SLMAP: variants seen among roughly 807,000 people sequenced by gnomAD.
The protein encoded by SLMAP is sarcolemmal membrane-associated protein.
SLMAP carries 44 observed loss-of-function variants against 128.8 expected under a neutral mutation model. The observed-to-expected ratio is 0.34, with a 90% CI of 0.27 to 0.44. The LOEUF is 0.44. SLMAP is among the 20% of genes least tolerant of loss of function. SLMAP has a pLI of 1.00. For synonymous variants in SLMAP, 327 were observed against 348.8 expected, an observed-to-expected ratio of 0.94 and a Z score of 0.70; for missense variants, 787 against 985.3, an observed-to-expected ratio of 0.80 and a Z score of 2.69.
intron 2 of SLMAP, among the ~76,000 whole-genome samples, chr3:57,780,925 G>A (rs768202433): frequency 3.4e-4 from 52 of 151,952 alleles, no homozygotes; most frequent in African/African-American, 1.3e-3. Flanking sequence ...TTACAGGTGT[G>A]AGCCACCTTG....
chr3:57,916,156 C>CA (rs75785421), intron 21 of SLMAP, among the ~76,000 whole-genome samples: 2,762 of 128,012 alleles, frequency 0.022, 67 homozygotes, highest in African/African-American at 0.071. Flanking sequence ...AACTCTGTCT[C>CA]AAAAAAAAAA....
Position 57,925,830 on chromosome 3 carries a change from C to T in SLMAP, c.2446-15C>T. The T allele has an allele frequency of 6.5e-7, 1 of 1,527,654 alleles. No homozygotes were observed. Among genetic ancestry groups the T allele is most frequent in the Non-Finnish European group, 8.9e-7 (1 of 1,125,736 alleles). The allele number at this position is 1,527,654 out of a possible 1,614,324, so 94.6% of individuals were successfully genotyped here. ...CATAGCATAAAATGATTTTAATATGCCTTCCCTTCTTTAGCCTTCCATATT... is the reference window on the plus strand; with the variant it reads ...CATAGCATAAAATGATTTTAATATGTCTTCCCTTCTTTAGCCTTCCATATT... On this transcript the variant is annotated splice_polypyrimidine_tract_variant and intron_variant, in intron 23 of 24. Coordinates refer to ENST00000671191, the MANE Select transcript of SLMAP (RefSeq NM_001377540.1).
At chr3:57,825,549 T>C (rs1465502326) in intron 2 of SLMAP, among the ~76,000 whole-genome samples, 1 of 151,962 alleles carries the variant, frequency 6.6e-6, no homozygotes, top group Non-Finnish European at 1.5e-5. Flanking sequence ...TTTAAACATT[T>C]TTATATTATA....
intron 8 of SLMAP, among the ~76,000 whole-genome samples, chr3:57,859,926 C>A (rs1423672886): frequency 6.6e-6 from 1 of 152,116 alleles, no homozygotes; most frequent in East Asian, 1.9e-4. Flanking sequence ...TGATTTTCTC[C>A]CCTTATTTAT....
intron 14 of SLMAP, among the ~76,000 whole-genome samples, chr3:57,879,450 G>A (rs906326478): frequency 6.6e-6 from 1 of 152,090 alleles, no homozygotes; most frequent in African/African-American, 2.4e-5. Flanking sequence ...ATTCACATTA[G>A]ATCCAAACTG....
intron 14 of SLMAP, among the ~76,000 whole-genome samples, chr3:57,877,831 CTTTTTTTT>C (rs57685937): frequency 1.8e-5 from 2 of 111,684 alleles, no homozygotes; most frequent in African/African-American, 3.4e-5. Context: ...TTTTTTCCTT[CTTTTTTTT>C]TTTTTTTTTT....
At chr3:57,822,025 ACCAGGCTCT>A (rs2092568303) in intron 2 of SLMAP, among the ~76,000 whole-genome samples, 1 of 151,944 alleles carries the variant, frequency 6.6e-6, no homozygotes, top group Non-Finnish European at 1.5e-5. Flanking sequence ...TGTATTTCCC[ACCAGGCTCT>A]CAGGATTTTG....
chr3:57,899,158 C>T (rs1463280520), intron 17 of SLMAP: 1 of 152,062 alleles, frequency 6.6e-6, no homozygotes, highest in East Asian at 1.9e-4. Flanking sequence ...ATTAGTAATG[C>T]ATTTATTTGT....
At chr3:57,861,086 G>A (rs1311087490) in intron 9 of SLMAP, among the ~76,000 whole-genome samples, 1 of 152,110 alleles carries the variant, frequency 6.6e-6, no homozygotes, top group African/African-American at 2.4e-5. Context: ...TTTGCATTCT[G>A]CTTAGGATTC....
chr3:57,764,150 G>GGGTTAT (rs2079196959), intron 2 of SLMAP, among the ~76,000 whole-genome samples: 1 of 152,136 alleles, frequency 6.6e-6, no homozygotes. Context: ...GTGGACCCTT[G>GGGTTAT]GGTTATGGAA....
chr3:57,898,869 T>G (rs1376714069), intron 17 of SLMAP: 2 of 152,156 alleles, frequency 1.3e-5, no homozygotes, highest in Non-Finnish European at 2.9e-5. Flanking sequence ...GATTCAGGGT[T>G]TTTTCATGTA....
At position 57,925,857 on chromosome 3, in the gene SLMAP, C is replaced by T; in HGVS notation, c.2458C>T (p.Gln820Ter). 6.4e-7 allele frequency: 1 copy of T among 1,550,804 alleles called. No individual in the cohort carries two copies. The highest frequency in any genetic ancestry group is 8.7e-7 in the Non-Finnish European group (1 of 1,146,788). Residue 820 changes from glutamine to a stop codon, truncating the protein, a stop_gained, in exon 24 of 25, where the codon CAA (glutamine) becomes TAA (stop). Transcript: ENST00000671191. LOFTEE classifies it high-confidence loss of function. ...REKGNNPSIL[Q>*]PVPAVFIGLF... is the part of the protein sequence containing the mutation. Reference sequence around the variant, plus strand: ...TTCCCTTCTTTAGCCTTCCATATTACAACCCGTCCCAGCCGTATTCATCGG... The same window carrying T: ...TTCCCTTCTTTAGCCTTCCATATTATAACCCGTCCCAGCCGTATTCATCGG...
chr3:57,913,943 GC>G (rs1397381158), intron 21 of SLMAP, among the ~76,000 whole-genome samples: 27 of 151,674 alleles, frequency 1.8e-4, no homozygotes, highest in African/African-American at 6.5e-4. Context: ...GGGTGACAGA[GC>G]CAAACCCTAT....
At chr3:57,853,999 A>ATATATT (rs2094634696) in intron 6 of SLMAP, among the ~76,000 whole-genome samples, 1 of 103,214 alleles carries the variant, frequency 9.7e-6, no homozygotes, top group Non-Finnish European at 1.9e-5. Flanking sequence ...ATATATATAT[A>ATATATT]TTTACATATA....
chr3:57,762,715 T>G (rs1051374964), intron 2 of SLMAP, among the ~76,000 whole-genome samples: 133 of 145,480 alleles, frequency 9.1e-4, no homozygotes, highest in African/African-American at 3.1e-3. Flanking sequence ...GAATGGTTTT[T>G]TTTTTTTTTT....
intron 2 of SLMAP, among the ~76,000 whole-genome samples, chr3:57,819,567 C>G (rs1334607151): frequency 6.6e-6 from 1 of 152,098 alleles, no homozygotes; most frequent in Non-Finnish European, 1.5e-5. Context: ...TAGTTTCTCT[C>G]TCTCCTACCT....
At chr3:57,815,045 G>A (rs1393339946) in intron 2 of SLMAP, among the ~76,000 whole-genome samples, 3 of 152,036 alleles carry the variant, frequency 2.0e-5, no homozygotes, top group Admixed American at 1.3e-4. Flanking sequence ...TTTTGGCACC[G>A]AGGACTGGTT....
intron 2 of SLMAP, among the ~76,000 whole-genome samples, chr3:57,820,124 T>C (rs527728973): frequency 3.9e-5 from 6 of 152,120 alleles, no homozygotes; most frequent in Non-Finnish European, 8.8e-5. Flanking sequence ...GACCCCAGGA[T>C]AGTTAGCATT....
At chr3:57,862,186 C>G in intron 10 of SLMAP, 100 bp downstream of exon 10, 1 of 932,344 alleles carries the variant, frequency 1.1e-6, no homozygotes, top group Non-Finnish European at 1.6e-6. Context: ...CGTGGGGTGG[C>G]GGGCGCCTGT....
Sources: allele counts gnomAD v4.1 joint callset (sites outside exome capture counted in the v4.1 genomes callset), GRCh38; gene constraint gnomAD v4.1.1; transcripts MANE v1.5; gene names NCBI Gene and HGNC (gene_info 2026-07-23, HGNC 2026-07-21).